Variants in LRMDA observed in about 807,000 individuals in gnomAD.
LRMDA encodes the protein leucine rich melanocyte differentiation associated.
A neutral mutation model predicts 29.8 loss-of-function variants in LRMDA; 18 were observed. The ratio of observed to expected loss-of-function variants is 0.60; its 90% CI spans 0.42 to 0.90. The LOEUF is 0.90. LRMDA is among the 40% of genes least tolerant of loss of function. The pLI is 0.00. For missense variants in LRMDA, 273 were observed against 273.9 expected (o/e 1.00, Z 0.02); for synonymous variants, 125 against 109.4 (o/e 1.14, Z -0.89).
At chr10:75,633,449 C>T (rs1841353047) in intron 2 of LRMDA, among the ~76,000 whole-genome samples, 1 of 152,190 alleles carries the variant, frequency 6.6e-6, no homozygotes, top group African/African-American at 2.4e-5. Context: ...TTAGTCCCAG[C>T]TGTTTGTGAT....
chr10:75,987,517 A>G (rs138167957), intron 2 of LRMDA, among the ~76,000 whole-genome samples: 2 of 152,376 alleles, frequency 1.3e-5, no homozygotes, highest in East Asian at 3.9e-4. Context: ...GCAGAGTGAT[A>G]TAGAAGTGTA....
intron 5 of LRMDA, among the ~76,000 whole-genome samples, chr10:76,116,103 T>G (rs1849664032): frequency 6.6e-6 from 1 of 152,162 alleles, no homozygotes; most frequent in Non-Finnish European, 1.5e-5. Flanking sequence ...GAATGTGGGA[T>G]GCCCGCACCT....
At chr10:75,996,454 A>G (rs1243746939) in intron 2 of LRMDA, among the ~76,000 whole-genome samples, 1 of 152,202 alleles carries the variant, frequency 6.6e-6, no homozygotes, top group Non-Finnish European at 1.5e-5. Context: ...TGCATTTGCT[A>G]CTTCTAACTG....
intron 6 of LRMDA, among the ~76,000 whole-genome samples, chr10:76,456,592 A>C (rs200158913): frequency 6.6e-6 from 1 of 152,152 alleles, no homozygotes; most frequent in East Asian, 1.9e-4. Context: ...TACTGAAAAT[A>C]AGTGTTCATT....
At chr10:76,390,518 A>AG (rs1841710538) in intron 6 of LRMDA, among the ~76,000 whole-genome samples, 1 of 151,934 alleles carries the variant, frequency 6.6e-6, no homozygotes, top group Non-Finnish European at 1.5e-5. Flanking sequence ...AAAAAAAAAA[A>AG]CAAGAAAACT....
chr10:76,542,616 C>A (rs906655341), intron 6 of LRMDA, among the ~76,000 whole-genome samples: 1 of 152,040 alleles, frequency 6.6e-6, no homozygotes, highest in Admixed American at 6.6e-5. Flanking sequence ...AGTTTAATTG[C>A]GTTGTTAATT....
intron 2 of LRMDA, among the ~76,000 whole-genome samples, chr10:76,004,814 G>A (rs1425485237): frequency 4.7e-5 from 7 of 147,470 alleles, no homozygotes; most frequent in Admixed American, 3.5e-4. Flanking sequence ...TGCAAGCTCC[G>A]CCTCCCAGGT....
intron 5 of LRMDA, among the ~76,000 whole-genome samples, chr10:76,186,232 G>C (rs894528149): frequency 6.6e-6 from 1 of 152,178 alleles, no homozygotes; most frequent in African/African-American, 2.4e-5. Flanking sequence ...TGGGCGGCCT[G>C]GAAGGCAGAA....
intron 2 of LRMDA, among the ~76,000 whole-genome samples, chr10:75,811,747 A>G (rs1843963892): frequency 6.6e-6 from 1 of 152,160 alleles, no homozygotes; most frequent in Non-Finnish European, 1.5e-5. Flanking sequence ...CCTCCCATCT[A>G]GTCAGTGGTC....
At chr10:76,414,783 C>A (rs1286790766) in intron 6 of LRMDA, among the ~76,000 whole-genome samples, 2 of 152,116 alleles carry the variant, frequency 1.3e-5, no homozygotes, top group Non-Finnish European at 2.9e-5. Flanking sequence ...CACTTAGGTC[C>A]CCATGGATGC....
chr10:76,237,578 T>G (rs1315810534), intron 5 of LRMDA, among the ~76,000 whole-genome samples: 3 of 152,184 alleles, frequency 2.0e-5, no homozygotes, highest in African/African-American at 7.2e-5. Flanking sequence ...CTTGGAATGT[T>G]GAACCTTTCT....
intron 2 of LRMDA, among the ~76,000 whole-genome samples, chr10:75,469,030 G>A (rs10219048): frequency 0.45 from 68,882 of 151,750 alleles, 17,460 homozygotes; most frequent in African/African-American, 0.7. Context: ...AACTTTCTGT[G>A]CTCTTCAAGG....
At chr10:75,795,563 TTG>T (rs1222100770) in intron 2 of LRMDA, among the ~76,000 whole-genome samples, 1 of 152,210 alleles carries the variant, frequency 6.6e-6, no homozygotes, top group Non-Finnish European at 1.5e-5. Flanking sequence ...GGGTCTATTA[TTG>T]TGTTATCTGC....
In LRMDA at chr10:76,500,329, A is replaced by G. The variant is rs1347286789; in HGVS notation, c.602-56880A>G. 4.0e-5 allele frequency among the ~76,000 whole-genome samples: 3 copies of G among 75,862 alleles called. 1 individual carries two copies. Among genetic ancestry groups the G allele is most frequent in the African/African-American group, 9.6e-5 (3 of 31,218 alleles). The allele number at this position is 75,862 out of a possible 152,430, so 49.8% of individuals were successfully genotyped here. A position where few individuals can be genotyped will look rare whatever the true frequency, so the allele number is the denominator to read the frequency against. The stretch of plus-strand genomic sequence containing the variant: ...CTGTCCTTCTATTCATATTATTGAA[A>G]ATATAATTTATATTCTCTTTTAAAC... On this transcript the variant is annotated intron_variant, in intron 6 of 6. Coordinates refer to ENST00000611255, the MANE Select transcript of LRMDA (RefSeq NM_001305581.2).
chr10:75,773,908 C>A (rs1273309008), intron 2 of LRMDA, among the ~76,000 whole-genome samples: 1 of 152,214 alleles, frequency 6.6e-6, no homozygotes, highest in East Asian at 1.9e-4. Context: ...ATTATATTCA[C>A]ATCTTGTGTG....
At chr10:75,937,162 A>G (rs1478426997) in intron 2 of LRMDA, among the ~76,000 whole-genome samples, 1 of 152,218 alleles carries the variant, frequency 6.6e-6, no homozygotes, top group Non-Finnish European at 1.5e-5. Context: ...TCAGCTTCAG[A>G]CAACGTTTGA....
At chr10:76,020,405 C>T (rs1041903011) in intron 2 of LRMDA, among the ~76,000 whole-genome samples, 6 of 152,300 alleles carry the variant, frequency 3.9e-5, no homozygotes, top group Non-Finnish European at 8.8e-5. Context: ...TGGCAGAGGA[C>T]GAAGACAGGC....
chr10:76,009,836 C>G (rs977065978), intron 2 of LRMDA, among the ~76,000 whole-genome samples: 1 of 151,974 alleles, frequency 6.6e-6, no homozygotes, highest in Non-Finnish European at 1.5e-5. Context: ...CGAGCAACCC[C>G]CCTCACTGCC....
intron 2 of LRMDA, among the ~76,000 whole-genome samples, chr10:75,789,265 A>G (rs767768891): frequency 2.0e-5 from 3 of 152,218 alleles, no homozygotes; most frequent in Non-Finnish European, 2.9e-5. Context: ...GATTGTGACT[A>G]CATAGCACTT....
Sources: gnomAD v4.1 joint callset for allele counts (sites outside exome capture counted in the v4.1 genomes callset) on GRCh38, gnomAD v4.1.1 for gene constraint, MANE v1.5 for transcripts, NCBI Gene and HGNC (gene_info 2026-07-23, HGNC 2026-07-21) for gene names.